Variants in SGCZ observed in about 807,000 individuals in gnomAD.
SGCZ encodes sarcoglycan zeta, also known as zeta-sarcoglycan.
A neutral mutation model predicts 41.3 loss-of-function variants in SGCZ; 40 were observed. That is an observed-to-expected ratio of 0.97 (90% CI 0.75 to 1.26). The LOEUF is 1.26. Among genes scored for constraint, SGCZ ranks in the 50% most tolerant of loss-of-function variants. The pLI is 0.00. For missense variants in SGCZ, 552 were observed against 369.8 expected (o/e 1.49, Z -4.04); for synonymous variants, 206 against 137.5 (o/e 1.50, Z -3.49).
intron 1 of SGCZ, among the ~76,000 whole-genome samples, chr8:14,779,503 A>G (rs1585253551): frequency 6.6e-6 from 1 of 152,326 alleles, no homozygotes; most frequent in African/African-American, 2.4e-5. Context: ...TTGCTTACTG[A>G]GTTGCTTCCA....
At chr8:14,655,792 G>C (rs906836301) in intron 1 of SGCZ, among the ~76,000 whole-genome samples, 1 of 152,022 alleles carries the variant, frequency 6.6e-6, no homozygotes, top group Non-Finnish European at 1.5e-5. Flanking sequence ...TTAACACTAA[G>C]CAACCAATAA....
chr8:14,526,119 T>C, intron 2 of SGCZ, among the ~76,000 whole-genome samples: 1 of 152,254 alleles, frequency 6.6e-6, no homozygotes, highest in Non-Finnish European at 1.5e-5. Context: ...GTTCTTCTTA[T>C]AAAAACAAAT....
chr8:14,951,562 T>C (rs1009387521), intron 1 of SGCZ, among the ~76,000 whole-genome samples: 1 of 151,926 alleles, frequency 6.6e-6, no homozygotes, highest in African/African-American at 2.4e-5. Context: ...TAAAAGTGAG[T>C]TTATCAAAAT....
chr8:14,937,709 G>A (rs949895594), intron 1 of SGCZ, among the ~76,000 whole-genome samples: 1 of 151,858 alleles, frequency 6.6e-6, no homozygotes, highest in Non-Finnish European at 1.5e-5. Flanking sequence ...TTACAATTTT[G>A]TTTTAGATAT....
intron 5 of SGCZ, among the ~76,000 whole-genome samples, chr8:14,145,953 C>T (rs1803508811): frequency 6.6e-6 from 1 of 152,048 alleles, no homozygotes; most frequent in African/African-American, 2.4e-5. Context: ...AGAAAATAGC[C>T]TCCAATGGGT....
intron 1 of SGCZ, among the ~76,000 whole-genome samples, chr8:15,097,866 G>GTATATATATATATATACGTGTGTATATA (rs1563124049): frequency 2.9e-5 from 2 of 68,506 alleles, no homozygotes; most frequent in African/African-American, 5.9e-5. Flanking sequence ...ACGTGTGTGT[G>GTATATATATATATATACGTGTGTATATA]TATATATATA....
intron 3 of SGCZ, among the ~76,000 whole-genome samples, chr8:14,255,631 C>A (rs546565479): frequency 1.3e-5 from 2 of 151,996 alleles, no homozygotes; most frequent in South Asian, 4.2e-4. Flanking sequence ...AAACATAAAT[C>A]ATCCAAAAAT....
At chr8:14,964,862 A>T (rs982241197) in intron 1 of SGCZ, among the ~76,000 whole-genome samples, 5 of 152,142 alleles carry the variant, frequency 3.3e-5, no homozygotes, top group African/African-American at 1.2e-4. Context: ...GTAGGAAGCT[A>T]TGCAGGTTAT....
At chr8:15,036,136 T>C (rs1318410201) in intron 1 of SGCZ, among the ~76,000 whole-genome samples, 2 of 151,722 alleles carry the variant, frequency 1.3e-5, no homozygotes, top group South Asian at 4.2e-4. Context: ...AAGTTAGAAA[T>C]GAAAAAGGAG....
At chr8:14,308,500 T>C (rs1309237042) in intron 3 of SGCZ, among the ~76,000 whole-genome samples, 1 of 151,870 alleles carries the variant, frequency 6.6e-6, no homozygotes, top group African/African-American at 2.4e-5. Context: ...CAATGCAGGG[T>C]ACCAAGGGCA....
intron 3 of SGCZ, among the ~76,000 whole-genome samples, chr8:14,244,864 G>C (rs1482250661): frequency 6.6e-6 from 1 of 152,072 alleles, no homozygotes; most frequent in South Asian, 2.1e-4. Context: ...AATTGTGAAT[G>C]GGAGTTGACT....
intron 2 of SGCZ, among the ~76,000 whole-genome samples, chr8:14,401,440 C>T (rs1225549051): frequency 9.6e-6 from 1 of 104,178 alleles, no homozygotes. Context: ...CTCCCCCCTC[C>T]CCCCACCCCA....
chr8:14,273,906 G>A (rs572363348), intron 3 of SGCZ, among the ~76,000 whole-genome samples: 4 of 152,220 alleles, frequency 2.6e-5, no homozygotes, highest in African/African-American at 4.8e-5. Flanking sequence ...AAATGTTTAC[G>A]TTGTTTTACA....
intron 1 of SGCZ, among the ~76,000 whole-genome samples, chr8:14,740,255 C>G (rs1278468430): frequency 6.6e-6 from 1 of 151,856 alleles, no homozygotes; most frequent in African/African-American, 2.4e-5. Context: ...CCTTTTTAAC[C>G]AAGACAGTTG....
At chr8:14,371,544 T>G (rs888746130) in intron 2 of SGCZ, among the ~76,000 whole-genome samples, 14 of 152,112 alleles carry the variant, frequency 9.2e-5, no homozygotes, top group African/African-American at 3.4e-4. Flanking sequence ...TCTATATTTT[T>G]GGGGCATTCT....
intron 1 of SGCZ, among the ~76,000 whole-genome samples, chr8:15,145,218 T>C: frequency 6.6e-6 from 1 of 152,196 alleles, no homozygotes; most frequent in African/African-American, 2.4e-5. Context: ...ATACATTCTC[T>C]TTTGTACCTA....
intron 1 of SGCZ, among the ~76,000 whole-genome samples, chr8:14,851,854 C>T (rs1222429966): frequency 6.6e-6 from 1 of 151,844 alleles, no homozygotes; most frequent in Non-Finnish European, 1.5e-5. Context: ...ATGACTTTTC[C>T]TCCGAGAACA....
intron 1 of SGCZ, among the ~76,000 whole-genome samples, chr8:15,168,838 T>C (rs892486046): frequency 1.3e-5 from 2 of 152,194 alleles, no homozygotes; most frequent in African/African-American, 4.8e-5. Context: ...GAAGAGTTAA[T>C]TTCCCAAACC....
intron 1 of SGCZ, among the ~76,000 whole-genome samples, chr8:15,132,291 G>A (rs532413354): frequency 2.0e-5 from 3 of 152,194 alleles, no homozygotes; most frequent in Non-Finnish European, 2.9e-5. Flanking sequence ...TTACTTGCCT[G>A]TAGACACTGT....
Sources: gnomAD v4.1 joint callset for allele counts (sites outside exome capture counted in the v4.1 genomes callset) on GRCh38, gnomAD v4.1.1 for gene constraint, MANE v1.5 for transcripts, NCBI Gene and HGNC (gene_info 2026-07-23, HGNC 2026-07-21) for gene names.